Variants in KCMF1 observed in about 807,000 individuals in gnomAD.
KCMF1 encodes potassium channel modulatory factor 1.
KCMF1 carries 3 observed loss-of-function variants against 41.1 expected under a neutral mutation model. The ratio of observed to expected loss-of-function variants is 0.07; its 90% CI spans 0.03 to 0.19. The LOEUF is 0.19. Among genes scored for constraint, KCMF1 ranks in the 10% least tolerant of loss-of-function variants. The pLI is 1.00. For missense variants in KCMF1, 286 were observed against 488.9 expected (o/e 0.58, Z 3.91); for synonymous variants, 142 against 164.5 (o/e 0.86, Z 1.04).
At chr2:85,012,232 G>A (rs1472832404) in intron 1 of KCMF1, among the ~76,000 whole-genome samples, 1 of 152,174 alleles carries the variant, frequency 6.6e-6, no homozygotes, top group African/African-American at 2.4e-5. Context: ...GATAAAGTTG[G>A]TATTTGTTTA....
intron 1 of KCMF1, among the ~76,000 whole-genome samples, chr2:84,976,544 A>C (rs1673549902): frequency 6.6e-6 from 1 of 151,994 alleles, no homozygotes; most frequent in Non-Finnish European, 1.5e-5. Context: ...GATTTTGGGT[A>C]AAATTGTTTG....
At chr2:84,974,590 C>T (rs776793663) in intron 1 of KCMF1, among the ~76,000 whole-genome samples, 6 of 135,306 alleles carry the variant, frequency 4.4e-5, no homozygotes, top group South Asian at 2.4e-4. Context: ...CTATAGACAA[C>T]CTGTAATTGA....
chr2:85,027,279 A>T (rs148385945), intron 1 of KCMF1, among the ~76,000 whole-genome samples: 1 of 148,682 alleles, frequency 6.7e-6, no homozygotes, highest in East Asian at 2.0e-4. Context: ...TTGGGCAAAT[A>T]CCCTCATGGT....
At chr2:85,026,645 T>A (rs1181232017) in intron 1 of KCMF1, among the ~76,000 whole-genome samples, 1 of 151,588 alleles carries the variant, frequency 6.6e-6, no homozygotes, top group Non-Finnish European at 1.5e-5. Context: ...CAGGCCACAA[T>A]GCCCAGCTAA....
chr2:85,001,254 T>A (rs1383025229), intron 1 of KCMF1, among the ~76,000 whole-genome samples: 2 of 151,820 alleles, frequency 1.3e-5, no homozygotes, highest in African/African-American at 4.8e-5. Context: ...GCCTCCCAGG[T>A]TCAAGTGATT....
At chr2:85,009,302 T>C (rs1574022051) in intron 1 of KCMF1, among the ~76,000 whole-genome samples, 1 of 152,320 alleles carries the variant, frequency 6.6e-6, no homozygotes, top group South Asian at 2.1e-4. Context: ...GTAAGTTTCC[T>C]GAGGCCTCCC....
chr2:84,998,479 TCTGATA>T (rs1183391035), intron 1 of KCMF1, among the ~76,000 whole-genome samples: 1 of 152,154 alleles, frequency 6.6e-6, no homozygotes, highest in Non-Finnish European at 1.5e-5. Context: ...TGCAGTATAG[TCTGATA>T]ATTTCTAATT....
intron 1 of KCMF1, among the ~76,000 whole-genome samples, chr2:84,990,903 T>C (rs144266029): frequency 4.6e-5 from 7 of 151,950 alleles, no homozygotes; most frequent in African/African-American, 7.2e-5. Flanking sequence ...TAGGCCTTGG[T>C]GAGGAATTTG....
intron 1 of KCMF1, chr2:85,013,788 ACT>A (rs1674704041): frequency 6.9e-6 from 1 of 145,198 alleles, no homozygotes; most frequent in African/African-American, 2.6e-5. Flanking sequence ...ACAGAGCGAG[ACT>A]CTGTCTCAAA....
intron 1 of KCMF1, among the ~76,000 whole-genome samples, chr2:84,991,027 A>T (rs1474184475): frequency 6.6e-6 from 1 of 152,170 alleles, no homozygotes; most frequent in Non-Finnish European, 1.5e-5. Context: ...GTAGAAGGCA[A>T]GACTCCTAAT....
In KCMF1 at chr2:85,027,888, G is replaced by T; in HGVS notation, c.17-1G>T. Reference sequence around the variant, plus strand: ...ACTAAAGATATTTCTTTTTTTTATAGGTGTCAGCTGTGATGCATGTTTAAA... The same window carrying T: ...ACTAAAGATATTTCTTTTTTTTATATGTGTCAGCTGTGATGCATGTTTAAA... On this transcript the variant is annotated splice_acceptor_variant, in intron 1 of 6. Transcript: ENST00000409785. LOFTEE classifies it high-confidence loss of function. 1.3e-6 allele frequency: 2 copies of T among 1,584,530 alleles called. No individual in the cohort carries two copies. The highest frequency in any genetic ancestry group is 1.9e-5 in the Admixed American group (1 of 53,080).
intron 1 of KCMF1, among the ~76,000 whole-genome samples, chr2:85,001,922 A>T (rs1437038927): frequency 6.6e-6 from 1 of 152,178 alleles, no homozygotes; most frequent in African/African-American, 2.4e-5. Flanking sequence ...CCTGCATAAT[A>T]TGTTGCTGTA....
chr2:85,024,009 C>G (rs1449859972), intron 1 of KCMF1, among the ~76,000 whole-genome samples: 2 of 152,078 alleles, frequency 1.3e-5, no homozygotes, highest in African/African-American at 2.4e-5. Context: ...GTTTGTTGTT[C>G]TTTGAGTGCC....
intron 2 of KCMF1, among the ~76,000 whole-genome samples, chr2:85,034,790 T>A (rs761931580): frequency 2.6e-5 from 4 of 152,004 alleles, no homozygotes; most frequent in Non-Finnish European, 5.9e-5. Context: ...CCTGGCTAAT[T>A]TTTGTATTTT....
At chr2:84,973,607 A>G (rs368017202) in intron 1 of KCMF1, among the ~76,000 whole-genome samples, 4 of 152,198 alleles carry the variant, frequency 2.6e-5, no homozygotes, top group Admixed American at 6.5e-5. Flanking sequence ...TAAGACAGGA[A>G]TAGCAGTCTC....
At chr2:85,012,822 A>G (rs1267753576) in intron 1 of KCMF1, among the ~76,000 whole-genome samples, 1 of 152,236 alleles carries the variant, frequency 6.6e-6, no homozygotes, top group Non-Finnish European at 1.5e-5. Context: ...ACATAAAGAA[A>G]TGTAATTTAA....
intron 1 of KCMF1, among the ~76,000 whole-genome samples, chr2:85,013,587 C>T (rs764563774): frequency 6.6e-6 from 1 of 151,928 alleles, no homozygotes; most frequent in East Asian, 1.9e-4. Context: ...ATCACGAGGC[C>T]GGTAGTTCGA....
At chr2:85,010,624 A>C (rs965827274) in intron 1 of KCMF1, among the ~76,000 whole-genome samples, 1 of 152,208 alleles carries the variant, frequency 6.6e-6, no homozygotes, top group East Asian at 1.9e-4. Flanking sequence ...TTTTTAGTTT[A>C]ATTTTAGCAG....
intron 1 of KCMF1, among the ~76,000 whole-genome samples, chr2:85,021,661 C>G (rs2104018692): frequency 6.6e-6 from 1 of 152,150 alleles, no homozygotes; most frequent in African/African-American, 2.4e-5. Flanking sequence ...GATAATACTA[C>G]CATTTTAAAA....
Sources: gnomAD v4.1 joint callset for allele counts (sites outside exome capture counted in the v4.1 genomes callset) on GRCh38, gnomAD v4.1.1 for gene constraint, MANE v1.5 for transcripts, NCBI Gene and HGNC (gene_info 2026-07-23, HGNC 2026-07-21) for gene names.